WNT5A: variants seen among roughly 807,000 people sequenced by gnomAD.
WNT5A encodes the protein Wnt family member 5A.
A neutral mutation model predicts 42.1 loss-of-function variants in WNT5A; 9 were observed. The ratio of observed to expected loss-of-function variants is 0.21; its 90% CI spans 0.13 to 0.37. The LOEUF (loss-of-function observed/expected upper bound fraction) is 0.37, where lower values mean the gene tolerates loss of function less well. Among genes scored for constraint, WNT5A ranks in the 10% least tolerant of loss-of-function variants. The probability of loss-of-function intolerance (pLI) is 1.00; values close to 1 mark genes in which losing one functional copy is unlikely to be tolerated. For missense variants in WNT5A, 426 were observed against 534.0 expected, an observed-to-expected ratio of 0.80 and a Z score of 1.99; for synonymous variants, 210 against 210.0, an observed-to-expected ratio of 1.00 and a Z score of 0.00.
At chr3:55,485,150 C>A (rs965482707) in intron 1 of WNT5A, among the ~76,000 whole-genome samples, 15 of 146,924 alleles carry the variant, frequency 1.0e-4, no homozygotes, top group Non-Finnish European at 7.5e-5. Flanking sequence ...AGAGTGGGGT[C>A]TGGTGGTCGG....
chr3:55,494,392 T>C (rs1220087117), upstream of WNT5A, among the ~76,000 whole-genome samples: 1 of 152,148 alleles, frequency 6.6e-6, no homozygotes, highest in East Asian at 1.9e-4. Context: ...GTGGAGTGTT[T>C]TCAAAGTTTT....
At chr3:55,482,375 G>C (rs1204846675) in intron 1 of WNT5A, among the ~76,000 whole-genome samples, 5 of 152,148 alleles carry the variant, frequency 3.3e-5, no homozygotes, top group Admixed American at 6.5e-5. Flanking sequence ...CCCCTTACAC[G>C]TAAGTCTAAC....
At chr3:55,471,589 C>A (rs2051253162) in intron 4 of WNT5A, among the ~76,000 whole-genome samples, 1 of 152,248 alleles carries the variant, frequency 6.6e-6, no homozygotes, top group Admixed American at 6.5e-5. Context: ...TTTAGGGTAA[C>A]AACGGACACA....
intron 1 of WNT5A, among the ~76,000 whole-genome samples, chr3:55,484,685 T>TACATAC (rs2051540385): frequency 1.5e-5 from 2 of 137,896 alleles, no homozygotes; most frequent in Non-Finnish European, 3.1e-5. Flanking sequence ...GGCCCCAGGA[T>TACATAC]ACACACACAC....
chr3:55,476,560 T>C (rs892690587), intron 3 of WNT5A, among the ~76,000 whole-genome samples: 5 of 152,182 alleles, frequency 3.3e-5, no homozygotes, highest in Non-Finnish European at 5.9e-5. Flanking sequence ...AATAAGACAC[T>C]GTCCTTTGAG....
chr3:55,499,269 C>T, the WNT5A span, among the ~76,000 whole-genome samples: 1 of 152,156 alleles, frequency 6.6e-6, no homozygotes, highest in Admixed American at 6.6e-5. Flanking sequence ...GAAGTGAATG[C>T]TGATGAATTA....
At chr3:55,485,002 CAGA>C (rs1445927251) in intron 1 of WNT5A, among the ~76,000 whole-genome samples, 2 of 152,190 alleles carry the variant, frequency 1.3e-5, no homozygotes, top group East Asian at 1.9e-4. Context: ...TTCCCAAGCC[CAGA>C]AGAAGAGGTA....
upstream of WNT5A, among the ~76,000 whole-genome samples, chr3:55,493,465 T>C (rs1473949068): frequency 6.6e-6 from 1 of 152,212 alleles, no homozygotes; most frequent in Non-Finnish European, 1.5e-5. Flanking sequence ...CTCCCTTGCT[T>C]TGTCTGATTG....
upstream of WNT5A, among the ~76,000 whole-genome samples, chr3:55,493,190 G>A (rs1003005908): frequency 9.9e-5 from 15 of 152,220 alleles, no homozygotes; most frequent in African/African-American, 3.4e-4. Flanking sequence ...GAGGGCCTGA[G>A]GGCTGTCTCT....
chr3:55,476,227 C>T (rs1186909065), intron 3 of WNT5A, among the ~76,000 whole-genome samples: 3 of 152,180 alleles, frequency 2.0e-5, no homozygotes, highest in South Asian at 2.1e-4. Context: ...ATGCCAGTCA[C>T]AGCCATTTGT....
chr3:55,482,250 A>C (rs1349021969), intron 1 of WNT5A, among the ~76,000 whole-genome samples: 12 of 152,148 alleles, frequency 7.9e-5, no homozygotes, highest in Admixed American at 7.9e-4. Context: ...CAGGGGTAGG[A>C]GTTGGCCTTG....
At chr3:55,474,899 G>T (rs1170483459) in intron 3 of WNT5A, among the ~76,000 whole-genome samples, 1 of 129,614 alleles carries the variant, frequency 7.7e-6, no homozygotes, top group Admixed American at 7.7e-5. Context: ...TAGGGCTGGG[G>T]GGAGGTTGGG....
the WNT5A span, among the ~76,000 whole-genome samples, chr3:55,502,291 GA>G: frequency 6.6e-6 from 1 of 152,166 alleles, no homozygotes; most frequent in Non-Finnish European, 1.5e-5. Flanking sequence ...GCTCCTTTCA[GA>G]AAACACCAAC....
Position 55,487,173 on chromosome 3 carries a change from C to A in WNT5A, c.-188G>T. The A allele has an allele frequency of 3.4e-6, 2 of 582,188 alleles. No homozygotes were observed. The highest frequency in any genetic ancestry group is 4.1e-5 in the South Asian group (2 of 48,332). 36.1% of individuals were successfully genotyped at this position (582,188 alleles called of 1,614,324 possible). A position where few individuals can be genotyped will look rare whatever the true frequency, so the allele number is the denominator to read the frequency against. Reference sequence around the variant, plus strand: ...GCACTGGCGCCCGGGCCTGGACTCCCGAGTTGGGGCAGAGCTGGGATGCGC... The same window carrying A: ...GCACTGGCGCCCGGGCCTGGACTCCAGAGTTGGGGCAGAGCTGGGATGCGC... On this transcript the variant is annotated 5_prime_UTR_variant, in exon 1 of 5. Coordinates refer to ENST00000264634, the MANE Select transcript of WNT5A (RefSeq NM_003392.7).
In WNT5A at chr3:55,483,997, C is replaced by A. The variant is rs2051520388; in HGVS notation, c.6+2983G>T. Among the ~76,000 whole-genome samples, 1 of 152,066 alleles carries A rather than the reference C, an allele frequency of 6.6e-6. No individual in the cohort carries two copies. Among genetic ancestry groups the A allele is most frequent in the Non-Finnish European group, 1.5e-5 (1 of 68,022 alleles). ...ATAGATAAAAAGGCCAAGCAAAGAT[C>A]CTCTCCCCTCGGCCCCGGGGCACTG... On this transcript the variant is annotated intron_variant, in intron 1 of 4. Transcript: ENST00000264634. The surrounding 1 kb of genome is among the most constrained non-coding windows in gnomAD (Gnocchi z 4.2).
At chr3:55,479,175 T>C in intron 3 of WNT5A, 139 bp downstream of exon 3, 1 of 897,682 alleles carries the variant, frequency 1.1e-6, no homozygotes, top group Non-Finnish European at 1.6e-6. Flanking sequence ...TTTGCTATAA[T>C]GACAAAAATG....
chr3:55,474,531 A>G lies in WNT5A; in HGVS notation c.490T>C (p.Cys164Arg). 1 of 1,561,678 alleles carries G rather than the reference A, an allele frequency of 6.4e-7. No individual in the cohort carries two copies. The highest frequency in any genetic ancestry group is 8.7e-7 in the Non-Finnish European group (1 of 1,155,388). The change falls in exon 4 of 5, where the codon TGC becomes CGC. Residue 164 changes from cysteine (C) to arginine (R), a missense_variant. Physicochemically the swap from Cys to Arg is radical, Grantham distance 180. Coordinates refer to ENST00000264634, the MANE Select transcript of WNT5A (RefSeq NM_003392.7). ...CREGELSTCGCSRAARPKDLP... is the reference protein window; with the variant it reads ...CREGELSTCGRSRAARPKDLP... ...TCCTTGGGGCGCGCGGCGCGGCTGC[A>G]GCCGCAGGTGGACAGCTCGCCCTCG... is the stretch of plus-strand genomic sequence containing the variant.
intron 3 of WNT5A, among the ~76,000 whole-genome samples, chr3:55,475,227 G>C (rs779311839): frequency 6.6e-6 from 1 of 152,330 alleles, no homozygotes; most frequent in South Asian, 2.1e-4. Flanking sequence ...GGAACACTCA[G>C]AATATGGGTA....
At chr3:55,495,978 G>A in the WNT5A span, among the ~76,000 whole-genome samples, 6 of 152,116 alleles carry the variant, frequency 3.9e-5, no homozygotes, top group Non-Finnish European at 8.8e-5. Flanking sequence ...GAAGCTGACT[G>A]CATTTTTTAA....
Sources: allele counts gnomAD v4.1 joint callset (sites outside exome capture counted in the v4.1 genomes callset), GRCh38; gene constraint gnomAD v4.1.1; non-coding constraint Gnocchi (gnomAD v3.1); transcripts MANE v1.5; gene names NCBI Gene and HGNC (gene_info 2026-07-23, HGNC 2026-07-21).